ZNF697: variants seen among roughly 807,000 people sequenced by gnomAD.
The protein encoded by ZNF697 is zinc finger protein 697.
Under a neutral mutation model 32.4 loss-of-function variants are expected in ZNF697, and 23 were observed. That is an observed-to-expected ratio of 0.71 (90% CI 0.51 to 1.01). ZNF697 has a LOEUF of 1.01. Among genes scored for constraint, ZNF697 ranks in the 50% least tolerant of loss-of-function variants. The probability of loss-of-function intolerance (pLI) is 0.00; values close to 1 mark genes in which losing one functional copy is unlikely to be tolerated. For missense variants in ZNF697, 930 were observed against 794.0 expected, an observed-to-expected ratio of 1.17 and a Z score of -2.06; for synonymous variants, 418 against 337.2, an observed-to-expected ratio of 1.24 and a Z score of -2.62.
intron 1 of ZNF697, among the ~76,000 whole-genome samples, chr1:119,632,923 C>A (rs1648817839): frequency 6.6e-6 from 1 of 152,122 alleles, no homozygotes; most frequent in Non-Finnish European, 1.5e-5. Context: ...TACAGGAAAT[C>A]CTTCTGTTGA....
intron 1 of ZNF697, among the ~76,000 whole-genome samples, chr1:119,646,322 AACACACACACACACACACACACACAC>A (rs61339576): frequency 2.9e-5 from 4 of 136,830 alleles, no homozygotes; most frequent in African/African-American, 8.5e-5. Flanking sequence ...CCCCACTTCC[AACACACACACACACACACACACACAC>A]ACACACACAC....
intron 1 of ZNF697, among the ~76,000 whole-genome samples, chr1:119,626,420 T>C (rs587729372): frequency 1.3e-5 from 2 of 152,308 alleles, no homozygotes; most frequent in East Asian, 1.9e-4. Flanking sequence ...TGTGGTTTTA[T>C]AGTTTAACAG....
rs1212878397 is a variant in ZNF697 at position 119,633,395 on chromosome 1, T to TAG, written c.-37-7260_-37-7259dup. Among the ~76,000 whole-genome samples, 430 of 143,662 alleles carry TAG rather than the reference T, an allele frequency of 3.0e-3. 3 individuals carry two copies. The highest frequency in any genetic ancestry group is 7.4e-3 in the African/African-American group (290 of 38,996). The allele number at this position is 143,662 out of a possible 152,430, so 94.2% of individuals were successfully genotyped here. On this transcript the variant is annotated intron_variant, in intron 1 of 2. Transcript: ENST00000421812. ...GTGTGTGTGTGTGTGTGTGTGTGTA[T>TAG]AGAGAGAGAGAGAGAGAGAGATTGA...
At chr1:119,627,367 C>T (rs1286981443) in intron 1 of ZNF697, among the ~76,000 whole-genome samples, 1 of 152,194 alleles carries the variant, frequency 6.6e-6, no homozygotes, top group Non-Finnish European at 1.5e-5. Flanking sequence ...GTCAGCCTCA[C>T]TAGAGAGCCC....
At chr1:119,632,498 C>G (rs838986) in intron 1 of ZNF697, among the ~76,000 whole-genome samples, 112,265 of 152,196 alleles carry the variant, frequency 0.74, 41,826 homozygotes, top group East Asian at 0.92. Context: ...GGTGGAAAAA[C>G]AAAAAGGCTC....
At chr1:119,635,431 C>T (rs1401103242) in intron 1 of ZNF697, among the ~76,000 whole-genome samples, 1 of 152,176 alleles carries the variant, frequency 6.6e-6, no homozygotes, top group African/African-American at 2.4e-5. Context: ...GAATCAGATT[C>T]TGTTTCCATT....
Position 119,623,476 on chromosome 1 carries a change from G to A in ZNF697, c.867C>T (p.Asn289=). Residue 289 remains asparagine (N), a synonymous_variant, in exon 3 of 3, where the codon AAC becomes AAT. Coordinates refer to ENST00000421812, the MANE Select transcript of ZNF697 (RefSeq NM_001080470.2). ...AGCTCTTGCCGCAGTCGGCGCACAG[G>A]TTGGGCCGCTCGCCCGTGTGCAGGC... is the stretch of plus-strand genomic sequence containing the variant. ...HLRLHTGERP[N]LCADCGKSFS... The A allele has an allele frequency of 6.4e-7, 1 of 1,567,834 alleles. No individual in the cohort carries two copies. Among genetic ancestry groups the A allele is most frequent in the South Asian group, 1.2e-5 (1 of 86,268 alleles).
chr1:119,626,107 A>G lies in ZNF697; in HGVS notation c.-7T>C, dbSNP rs924086867. 3 of 1,613,852 alleles carry G rather than the reference A, an allele frequency of 1.9e-6. No individual in the cohort carries two copies. The highest frequency in any genetic ancestry group is 2.2e-5 in the East Asian group (1 of 44,882). On this transcript the variant is annotated 5_prime_UTR_variant, in exon 2 of 3. Transcript: ENST00000421812. Reference sequence around the variant, plus strand: ...GATTATCTTCTTGTTTCATCCAGGAAGAAAAGAGCAAGGGAGGTGACCAGG... The same window carrying G: ...GATTATCTTCTTGTTTCATCCAGGAGGAAAAGAGCAAGGGAGGTGACCAGG...
intron 1 of ZNF697, among the ~76,000 whole-genome samples, chr1:119,630,333 C>T (rs1648725837): frequency 6.6e-6 from 1 of 152,236 alleles, no homozygotes; most frequent in African/African-American, 2.4e-5. Context: ...CCAGCTCCAG[C>T]TTGTTAATCC....
At chr1:119,627,492 T>C (rs1224824127) in intron 1 of ZNF697, among the ~76,000 whole-genome samples, 1 of 152,220 alleles carries the variant, frequency 6.6e-6, no homozygotes, top group Non-Finnish European at 1.5e-5. Context: ...GAAAAAGCAC[T>C]TTGGAAAATA....
rs895253056 is a variant in ZNF697 at position 119,620,250 on chromosome 1, C to A, written c.*2455G>T. ...GGTAAATGAAGTCCAAAGATTCCCA[C>A]TGCCACTAAACTATTTTACATTAGC... is the stretch of plus-strand genomic sequence containing the variant. On this transcript the variant is annotated 3_prime_UTR_variant, in exon 3 of 3. Coordinates refer to ENST00000421812, the MANE Select transcript of ZNF697 (RefSeq NM_001080470.2). 6.6e-6 allele frequency: 1 copy of A among 152,618 alleles called. No homozygotes were observed. The highest frequency in any genetic ancestry group is 1.5e-5 in the Non-Finnish European group (1 of 68,040). 9.5% of individuals were successfully genotyped at this position (152,618 alleles called of 1,614,324 possible). A position where few individuals can be genotyped will look rare whatever the true frequency, so the allele number is the denominator to read the frequency against.
At chr1:119,626,886 A>G (rs1021600493) in intron 1 of ZNF697, among the ~76,000 whole-genome samples, 47 of 152,146 alleles carry the variant, frequency 3.1e-4, no homozygotes, top group African/African-American at 1.1e-3. Flanking sequence ...CTAATTACAT[A>G]TTTTACAGTA....
At chr1:119,642,374 A>G (rs1329166305) in intron 1 of ZNF697, among the ~76,000 whole-genome samples, 1 of 152,228 alleles carries the variant, frequency 6.6e-6, no homozygotes, top group Non-Finnish European at 1.5e-5. Context: ...TTTGGGTGAT[A>G]ATGATGTATC....
At chr1:119,642,167 G>A (rs587742342) in intron 1 of ZNF697, among the ~76,000 whole-genome samples, 1 of 152,282 alleles carries the variant, frequency 6.6e-6, no homozygotes, top group East Asian at 1.9e-4. Flanking sequence ...TCTGTAAAAG[G>A]CAAACTATGG....
At chr1:119,640,619 C>G (rs1649041572) in intron 1 of ZNF697, among the ~76,000 whole-genome samples, 1 of 152,232 alleles carries the variant, frequency 6.6e-6, no homozygotes, top group Non-Finnish European at 1.5e-5. Context: ...ACAGAGGTGG[C>G]ACAGTGCTGT....
At chr1:119,641,830 C>A (rs1270533831) in intron 1 of ZNF697, among the ~76,000 whole-genome samples, 1 of 152,168 alleles carries the variant, frequency 6.6e-6, no homozygotes, top group Non-Finnish European at 1.5e-5. Context: ...TCACCTTCTG[C>A]CATGATTGTA....
chr1:119,623,399 TTC>T lies in ZNF697; in HGVS notation c.942_943del (p.Lys315AlafsTer119). The T allele has an allele frequency of 6.6e-7, 1 of 1,516,792 alleles. No individual in the cohort carries two copies. Among genetic ancestry groups the T allele is most frequent in the Non-Finnish European group, 8.8e-7 (1 of 1,133,888 alleles). 94.0% of individuals were successfully genotyped at this position (1,516,792 alleles called of 1,614,324 possible). A position where few individuals can be genotyped will look rare whatever the true frequency, so the allele number is the denominator to read the frequency against. ...GCCGCACTCGGGGCACGGGTAGGGCTTCTCGCCCGTGTGCAGGCGCCGGTGCT... is the reference window on the plus strand; with the variant it reads ...GCCGCACTCGGGGCACGGGTAGGGCTTCGCCCGTGTGCAGGCGCCGGTGCT... On this transcript the variant is annotated frameshift_variant, in exon 3 of 3. Coordinates refer to ENST00000421812, the MANE Select transcript of ZNF697 (RefSeq NM_001080470.2). LOFTEE classifies it high-confidence loss of function.
At chr1:119,626,795 C>G (rs1648603919) in intron 1 of ZNF697, among the ~76,000 whole-genome samples, 1 of 152,126 alleles carries the variant, frequency 6.6e-6, no homozygotes, top group African/African-American at 2.4e-5. Flanking sequence ...AGGAATGAGC[C>G]AAGATGATTC....
In ZNF697 at chr1:119,623,736, C is replaced by T. The variant is rs992288569; in HGVS notation, c.607G>A (p.Ala203Thr). ...DCGESFSPGA[A>T]FLQHQRIHRL... ...TGAATGCGCTGGTGCTGCAGGAAGG[C>T]GGCGCCAGGACTGAAGCTCTCCCCG... is the stretch of plus-strand genomic sequence containing the variant. The change falls in exon 3 of 3, where the codon GCC (alanine) becomes ACC (threonine). Residue 203 changes from alanine to threonine, a missense_variant. By Grantham distance (58) the Ala-to-Thr change is moderately conservative. Transcript: ENST00000421812. The T allele has an allele frequency of 6.5e-7, 1 of 1,534,454 alleles. No homozygotes were observed. The highest frequency in any genetic ancestry group is 8.7e-7 in the Non-Finnish European group (1 of 1,143,322).
Sources: gnomAD v4.1 joint callset for allele counts (sites outside exome capture counted in the v4.1 genomes callset) on GRCh38, gnomAD v4.1.1 for gene constraint, MANE v1.5 for transcripts, NCBI Gene and HGNC (gene_info 2026-07-23, HGNC 2026-07-21) for gene names.